Variants in ERP44 observed in about 807,000 individuals in gnomAD.
ERP44 encodes endoplasmic reticulum protein 44, also known as endoplasmic reticulum resident protein 44.
A neutral mutation model predicts 53.4 loss-of-function variants in ERP44; 25 were observed. The observed-to-expected ratio is 0.47, with a 90% confidence interval of 0.34 to 0.65. ERP44 has a LOEUF of 0.65. Among genes scored for constraint, ERP44 ranks in the 30% least tolerant of loss-of-function variants. ERP44 has a pLI of 0.01. For missense variants in ERP44, 338 were observed against 493.2 expected, an observed-to-expected ratio of 0.69 and a Z score of 2.98; for synonymous variants, 145 against 161.2, an observed-to-expected ratio of 0.90 and a Z score of 0.76.
chr9:100,068,884 T>C (rs1246206256), intron 1 of ERP44, among the ~76,000 whole-genome samples: 2 of 152,186 alleles, frequency 1.3e-5, no homozygotes, highest in African/African-American at 2.4e-5. Context: ...AGAAAACGGA[T>C]GGTTGCCGTG....
At chr9:100,041,644 G>A (rs746517514) in intron 4 of ERP44, among the ~76,000 whole-genome samples, 3 of 152,030 alleles carry the variant, frequency 2.0e-5, no homozygotes, top group Admixed American at 6.6e-5. Context: ...CTCCAGCCCC[G>A]CGACAGAGCA....
rs1214640689 is a variant in ERP44 at position 100,012,180 on chromosome 9, C to T, written c.762+4142G>A. On this transcript the variant is annotated intron_variant, in intron 8 of 11. Coordinates refer to ENST00000262455, the MANE Select transcript of ERP44 (RefSeq NM_015051.3). The stretch of plus-strand genomic sequence containing the variant: ...AAAGGCTTGTGTTAGAATTTTCACT[C>T]AAAAGTCTTCTATAATTCAAAATTC... Among the ~76,000 whole-genome samples, 8 of 152,178 alleles carry T rather than the reference C, an allele frequency of 5.3e-5. No individual in the cohort carries two copies. In the East Asian group the frequency reaches 1.4e-3, roughly 26 times the overall value.
rs201304698 is a variant in ERP44, at chr9:100,018,227, T to C, written c.645+29A>G. ...ACGCATGTATTTAAATTATATCTTA[T>C]CATACAACATTAAGAAATAGCAACT... On this transcript the variant is annotated intron_variant, in intron 7 of 11. Coordinates refer to ENST00000262455, the MANE Select transcript of ERP44 (RefSeq NM_015051.3). The C allele has an allele frequency of 9.1e-4, 1,212 of 1,326,082 alleles. 2 individuals carry two copies. Among genetic ancestry groups the C allele is most frequent in the South Asian group, 3.8e-3 (325 of 85,282 alleles). The allele number at this position is 1,326,082 out of a possible 1,614,324, so 82.1% of individuals were successfully genotyped here.
intron 10 of ERP44, among the ~76,000 whole-genome samples, chr9:99,986,652 C>T (rs1254401847): frequency 6.6e-6 from 1 of 152,192 alleles, no homozygotes; most frequent in Non-Finnish European, 1.5e-5. Context: ...ATAACTCCCA[C>T]TGAGATGTAC....
intron 10 of ERP44, chr9:99,999,020 G>T: frequency 1.0e-6 from 1 of 974,598 alleles, no homozygotes; most frequent in Non-Finnish European, 1.6e-6. Context: ...GTGGGCAGCG[G>T]GCGCAGCTGC....
At chr9:100,097,490 G>A (rs1319224070) in intron 1 of ERP44, among the ~76,000 whole-genome samples, 1 of 152,080 alleles carries the variant, frequency 6.6e-6, no homozygotes, top group African/African-American at 2.4e-5. Flanking sequence ...AAGGAAAAAT[G>A]TATCACAGTG....
chr9:100,049,180 A>C (rs7038579), intron 4 of ERP44, among the ~76,000 whole-genome samples: 102,082 of 151,976 alleles, frequency 0.67, 35,394 homozygotes, highest in East Asian at 0.91. Flanking sequence ...GAAGCCGAGG[A>C]GGAACAATCA....
chr9:100,037,225 T>C (rs1825855321), intron 4 of ERP44, among the ~76,000 whole-genome samples: 2 of 152,182 alleles, frequency 1.3e-5, no homozygotes, highest in South Asian at 2.1e-4. Context: ...AGGGCTTCCC[T>C]GTTATAGCAG....
chr9:100,005,248 C>T (rs527627442), intron 10 of ERP44, among the ~76,000 whole-genome samples: 11 of 152,294 alleles, frequency 7.2e-5, no homozygotes, highest in Admixed American at 6.5e-4. Context: ...TCAATATCGC[C>T]AGAAATCCTG....
At chr9:99,994,577 A>T (rs1256081731) in intron 10 of ERP44, among the ~76,000 whole-genome samples, 1 of 152,136 alleles carries the variant, frequency 6.6e-6, no homozygotes, top group African/African-American at 2.4e-5. Flanking sequence ...GGTGCAGCAA[A>T]CCAACATGGC....
chr9:100,011,054 T>G (rs931459655), intron 8 of ERP44, among the ~76,000 whole-genome samples: 1 of 152,270 alleles, frequency 6.6e-6, no homozygotes, highest in Admixed American at 6.5e-5. Flanking sequence ...AAAGAAATAT[T>G]TTTTAAATGT....
chr9:100,072,665 A>T (rs1564103478), intron 1 of ERP44, among the ~76,000 whole-genome samples: 1 of 152,040 alleles, frequency 6.6e-6, no homozygotes. Context: ...TGGGATTACA[A>T]GTGTGCGCCA....
At chr9:99,994,391 C>G (rs534066441) in intron 10 of ERP44, among the ~76,000 whole-genome samples, 50 of 150,638 alleles carry the variant, frequency 3.3e-4, no homozygotes, top group African/African-American at 1.2e-3. Context: ...TCTGAGCAAA[C>G]TATCCCAACA....
Position 99,989,368 on chromosome 9 carries a change from G to A in ERP44, c.1017-4299C>T, listed in dbSNP as rs986039356. ...ATTAGGCAGCAATAATTGCCCTCCTGCAATATTTGCTGTTGTGATACCCAG... is the reference window on the plus strand; with the variant it reads ...ATTAGGCAGCAATAATTGCCCTCCTACAATATTTGCTGTTGTGATACCCAG... On this transcript the variant is annotated intron_variant, in intron 10 of 11. Coordinates refer to ENST00000262455, the MANE Select transcript of ERP44 (RefSeq NM_015051.3). Among the ~76,000 whole-genome samples the A allele has an allele frequency of 3.9e-5, 6 of 152,322 alleles. No individual in the cohort carries two copies. In the South Asian group the frequency reaches 1.0e-3, roughly 26 times the overall value.
At chr9:100,043,473 G>T (rs1001209993) in intron 4 of ERP44, among the ~76,000 whole-genome samples, 1 of 151,752 alleles carries the variant, frequency 6.6e-6, no homozygotes, top group African/African-American at 2.4e-5. Context: ...AATATCTTTT[G>T]GCCTGGCGCA....
intron 4 of ERP44, among the ~76,000 whole-genome samples, chr9:100,047,717 T>A (rs1311532205): frequency 6.6e-6 from 1 of 152,128 alleles, no homozygotes. Flanking sequence ...TCAACCAATG[T>A]AAAAATACAT....
chr9:100,048,734 G>A (rs112464829), intron 4 of ERP44, among the ~76,000 whole-genome samples: 45 of 152,220 alleles, frequency 3.0e-4, no homozygotes, highest in African/African-American at 1.0e-3. Context: ...TGAGCCTTGC[G>A]GACATTATGC....
In ERP44 at chr9:100,022,061, G is replaced by A. The variant is rs763724415; in HGVS notation, c.452C>T (p.Ala151Val). 1.9e-6 allele frequency: 3 copies of A among 1,613,052 alleles called. No individual in the cohort carries two copies. The highest frequency in any genetic ancestry group is 1.7e-5 in the Admixed American group (1 of 59,796). ...SDPIQEIRDL[A>V]EITTLDRSKR... ...ACTTACATCAAGAGTGGTGATTTCT[G>A]CTAAGTCCCGAATTTCTTGAATGGG... The change falls in exon 5 of 12, where the codon GCA becomes GTA. Residue 151 changes from alanine to valine, a missense_variant. Ala to Val is a moderately conservative substitution (Grantham distance 64). Transcript: ENST00000262455.
Position 100,007,583 on chromosome 9 carries a change from T to G in ERP44, c.869A>C (p.Glu290Ala). The change falls in exon 9 of 12, where the codon GAA (glutamate) becomes GCA (alanine). Residue 290 changes from glutamate (E) to alanine (A), a missense_variant. Transcript: ENST00000262455. ...QNEVARQLIS[E>A]KGTINFLHAD... is the part of the protein sequence containing the mutation. The stretch of plus-strand genomic sequence containing the variant: ...AAACACCTTAATCTGTCTACCTTTT[T>G]CACTTATTAATTGCCGAGCTACTTC... 1 of 1,448,360 alleles carries G rather than the reference T, an allele frequency of 6.9e-7. No individual in the cohort carries two copies. The highest frequency in any genetic ancestry group is 9.7e-7 in the Non-Finnish European group (1 of 1,028,908). 89.7% of individuals were successfully genotyped at this position (1,448,360 alleles called of 1,614,324 possible).
Sources: allele counts gnomAD v4.1 joint callset (sites outside exome capture counted in the v4.1 genomes callset), GRCh38; gene constraint gnomAD v4.1.1; transcripts MANE v1.5; gene names NCBI Gene and HGNC (gene_info 2026-07-23, HGNC 2026-07-21).